The following SIN3B variants were observed in gnomAD, a reference collection of about 807,000 sequenced individuals.
SIN3B encodes the protein paired amphipathic helix protein Sin3b.
SIN3B carries 19 observed loss-of-function variants against 120.2 expected under a neutral mutation model. The observed-to-expected ratio is 0.16, with a 90% CI of 0.11 to 0.23. SIN3B has a LOEUF of 0.23. Ranked by LOEUF, SIN3B falls within the 10% of genes least tolerant of loss-of-function variation. SIN3B has a pLI of 1.00. For synonymous variants in SIN3B, 654 were observed against 653.2 expected, an observed-to-expected ratio of 1.00 and a Z score of -0.02; for missense variants, 1,073 against 1,573.0, an observed-to-expected ratio of 0.68 and a Z score of 5.38.
At chr19:16,871,694 A>G in intron 14 of SIN3B, 1 of 327,912 alleles carries the variant, frequency 3.0e-6, no homozygotes. Flanking sequence ...CCCTGCCCCG[A>G]GCCCCTGACA....
rs1372025426 is a variant in SIN3B at position 16,863,932 on chromosome 19, G to GGAA, written c.1383+138_1383+140dup. ...ATTGCAGCACATTCCAACAGCTCCT[G>GGAA]GAAGCTTCCTGCCGGGTCTTGCTGG... On this transcript the variant is annotated intron_variant, in intron 10 of 18. Coordinates refer to ENST00000248054, the MANE Select transcript of SIN3B (RefSeq NM_001297595.2). 18 of 632,162 alleles carry GGAA rather than the reference G, an allele frequency of 2.8e-5. No homozygotes were observed. In the African/African-American group the frequency reaches 2.9e-4, roughly 10 times the overall value. 39.2% of individuals were successfully genotyped at this position (632,162 alleles called of 1,614,324 possible). A position where few individuals can be genotyped will look rare whatever the true frequency, so the allele number is the denominator to read the frequency against.
intron 7 of SIN3B, among the ~76,000 whole-genome samples, chr19:16,853,472 A>G (rs1482657588): frequency 1.3e-5 from 2 of 152,252 alleles, no homozygotes; most frequent in East Asian, 1.9e-4. Context: ...GTTCCCGCCC[A>G]GGGTCTGTGG....
chr19:16,877,670 CT>C lies in SIN3B; in HGVS notation c.2954+33del, dbSNP rs565439481. ...AGGCCCTGAGATGCATGCTCTGTTC[CT>C]TCCTTCCTGGGCCCAGGGAGTGTCC... On this transcript the variant is annotated intron_variant, in intron 17 of 18. Coordinates refer to ENST00000248054, the MANE Select transcript of SIN3B (RefSeq NM_001297595.2). 1.1e-4 allele frequency: 163 copies of C among 1,450,022 alleles called. No individual in the cohort carries two copies. In the African/African-American group the frequency reaches 2.0e-3, roughly 18 times the overall value. The allele number at this position is 1,450,022 out of a possible 1,614,324, so 89.8% of individuals were successfully genotyped here.
chr19:16,839,842 C>G (rs181505499), intron 3 of SIN3B, among the ~76,000 whole-genome samples: 1 of 152,116 alleles, frequency 6.6e-6, no homozygotes, highest in African/African-American at 2.4e-5. Context: ...TATGGTGAAA[C>G]CCCATCTCTA....
chr19:16,854,294 G>T (rs1191190151), intron 8 of SIN3B, 33 bp downstream of exon 8: 6 of 1,433,626 alleles, frequency 4.2e-6, no homozygotes, highest in South Asian at 2.4e-5. Context: ...CTCCCTAGGG[G>T]GGTTCTGTTC....
chr19:16,841,941 A>G lies in SIN3B; in HGVS notation c.555A>G (p.Ser185=), dbSNP rs944147018. ...RFLDHPEIYR[S]FLEILHTYQK... ...TAGACCACCCAGAAATCTACAGGTC[A>G]TTCCTGGAGATCCTGCACACGTACC... The change falls in exon 4 of 19, where the codon TCA becomes TCG. Residue 185 remains serine, a synonymous_variant. Transcript: ENST00000248054. 6.2e-7 allele frequency: 1 copy of G among 1,613,912 alleles called. No individual in the cohort carries two copies. The highest frequency in any genetic ancestry group is 8.5e-7 in the Non-Finnish European group (1 of 1,179,864).
At chr19:16,850,665 G>A (rs1028148585) in intron 5 of SIN3B, among the ~76,000 whole-genome samples, 5 of 152,198 alleles carry the variant, frequency 3.3e-5, no homozygotes, top group South Asian at 2.1e-4. Flanking sequence ...GGCACAGAAC[G>A]TTGTAGGGCC....
intron 5 of SIN3B, among the ~76,000 whole-genome samples, chr19:16,849,305 C>G (rs1971515944): frequency 6.6e-6 from 1 of 152,222 alleles, no homozygotes; most frequent in South Asian, 2.1e-4. Flanking sequence ...GCCAGTTGAT[C>G]TTTGTGTAAA....
rs1230219520 is a variant in SIN3B, at chr19:16,879,633, C to T, written c.*906C>T. ...GCTGAGATCTCCCTTTGTGGAACTC[C>T]GAGAGCCGCCCTGACAGTCCCAGCC... is the stretch of plus-strand genomic sequence containing the variant. On this transcript the variant is annotated 3_prime_UTR_variant, in exon 19 of 19. Transcript: ENST00000248054. 3 of 152,298 alleles carry T rather than the reference C, an allele frequency of 2.0e-5. No individual in the cohort carries two copies. The highest frequency in any genetic ancestry group is 4.4e-5 in the Non-Finnish European group (3 of 68,106). The allele number at this position is 152,298 out of a possible 1,614,324, so 9.4% of individuals were successfully genotyped here. A position where few individuals can be genotyped will look rare whatever the true frequency, so the allele number is the denominator to read the frequency against.
intron 3 of SIN3B, among the ~76,000 whole-genome samples, chr19:16,832,191 C>CTTTTTTTTTTT: frequency 8.0e-6 from 1 of 125,432 alleles, no homozygotes; most frequent in Non-Finnish European, 1.7e-5. Flanking sequence ...TGCTGGCCCT[C>CTTTTTTTTTTT]TTTTTTTTTT....
At chr19:16,830,031 C>G in intron 2 of SIN3B, 134 bp downstream of exon 2, 3 of 621,544 alleles carry the variant, frequency 4.8e-6, no homozygotes, top group Non-Finnish European at 8.8e-6. Context: ...CTCTCAGAGC[C>G]CTAGCTCCTT....
rs1427765806 is a variant in SIN3B, at chr19:16,865,497, C to G, written c.1471C>G (p.Gln491Glu). Residue 491 changes from glutamine to glutamate, a missense_variant, in exon 11 of 19, where the codon CAG becomes GAG. Physicochemically the swap from Gln to Glu is conservative, Grantham distance 29. Around this residue, in one of 7 missense-constraint regions of SIN3B, gnomAD observed 118 missense variants for 281.6 expected, o/e 0.42. Transcript: ENST00000248054. ...GCTGTCTCGGATGGCGCCGGAAGACCAGGAGAAGTTCCGGCTGGACGACTC... is the reference window on the plus strand; with the variant it reads ...GCTGTCTCGGATGGCGCCGGAAGACGAGGAGAAGTTCCGGCTGGACGACTC... Reference protein sequence around the residue: ...KKLSRMAPEDQEKFRLDDSLG... With the variant: ...KKLSRMAPEDEEKFRLDDSLG... The G allele has an allele frequency of 6.2e-7, 1 of 1,610,560 alleles. No individual in the cohort carries two copies. Among genetic ancestry groups the G allele is most frequent in the South Asian group, 1.1e-5 (1 of 90,840 alleles).
Position 16,831,502 on chromosome 19 carries a change from C to T in SIN3B, c.236C>T (p.Thr79Ile). The T allele has an allele frequency of 1.2e-6, 2 of 1,614,046 alleles. No individual in the cohort carries two copies. Among genetic ancestry groups the T allele is most frequent in the Non-Finnish European group, 1.7e-6 (2 of 1,179,926 alleles). ...MKEFKSQSID[T>I]PGVIRRVSQL... ...TCCGTTGTTTCTTCTAGCATCGATA[C>T]TCCTGGAGTCATCAGACGTGTCTCG... The change falls in exon 3 of 19, where the codon ACT becomes ATT. Residue 79 changes from threonine to isoleucine, a missense_variant. By Grantham distance (89) the Thr-to-Ile change is moderately conservative. Around this residue, in one of 7 missense-constraint regions of SIN3B, gnomAD observed 395 missense variants for 528.0 expected, o/e 0.75. Transcript: ENST00000248054.
chr19:16,878,433 C>A, intron 18 of SIN3B, 43 bp downstream of exon 18: 1 of 1,589,274 alleles, frequency 6.3e-7, no homozygotes, highest in Non-Finnish European at 8.6e-7. Context: ...CCCCTCCTCA[C>A]CCCAAGTCCT....
intron 3 of SIN3B, among the ~76,000 whole-genome samples, chr19:16,837,442 TC>T (rs1404627557): frequency 6.7e-6 from 1 of 148,920 alleles, no homozygotes; most frequent in African/African-American, 2.5e-5. Flanking sequence ...CAGAGACAAT[TC>T]CCAAGTGATG....
intron 3 of SIN3B, among the ~76,000 whole-genome samples, chr19:16,838,970 C>CTTTTTT (rs34648986): frequency 1.2e-5 from 1 of 86,588 alleles, no homozygotes; most frequent in Non-Finnish European, 2.1e-5. Context: ...CCGCGCCTGG[C>CTTTTTT]TTTTTTTTTT....
chr19:16,879,059 C>T lies in SIN3B; in HGVS notation c.*332C>T, dbSNP rs45538931. The T allele has an allele frequency of 0.014, 5,543 of 385,650 alleles. 64 individuals are homozygous for T. Among genetic ancestry groups the T allele is most frequent in the Non-Finnish European group, 0.018 (3,833 of 212,874 alleles). 23.9% of individuals were successfully genotyped at this position (385,650 alleles called of 1,614,324 possible). A position where few individuals can be genotyped will look rare whatever the true frequency, so the allele number is the denominator to read the frequency against. On this transcript the variant is annotated 3_prime_UTR_variant, in exon 19 of 19. Coordinates refer to ENST00000248054, the MANE Select transcript of SIN3B (RefSeq NM_001297595.2). ...CCTGGCAGGCAGATGGCTCCTGCCCCATATTCTTGCCGTGTCTTGGAAAAG... is the reference window on the plus strand; with the variant it reads ...CCTGGCAGGCAGATGGCTCCTGCCCTATATTCTTGCCGTGTCTTGGAAAAG...
intron 4 of SIN3B, chr19:16,846,300 G>T (rs1971477776): frequency 6.6e-6 from 1 of 152,206 alleles, no homozygotes; most frequent in Non-Finnish European, 1.5e-5. Flanking sequence ...GCTGCAGCGG[G>T]TGCAGAGGGG....
At position 16,869,484 on chromosome 19, in the gene SIN3B, C is replaced by T. The variant is rs774327119; in HGVS notation, c.1831C>T (p.Arg611Cys). 5.6e-6 allele frequency: 9 copies of T among 1,610,628 alleles called. No individual in the cohort carries two copies. The highest frequency in any genetic ancestry group is 2.2e-5 in the East Asian group (1 of 44,800). Residue 611 changes from arginine (R) to cysteine (C), a missense_variant, in exon 13 of 19, where the codon CGC (arginine) becomes TGC (cysteine). Arg to Cys is a radical substitution (Grantham distance 180). This residue lies in a region of SIN3B where 169 missense variants were observed against 207.3 expected (regional missense o/e 0.82). Coordinates refer to ENST00000248054, the MANE Select transcript of SIN3B (RefSeq NM_001297595.2). ...DEHQEQHSEG[R>C]SAPSSEPHLI... ...GCACCAGGAGCAGCACTCGGAGGGC[C>T]GCAGTGCCCCCTCTAGCGAGCCGCA... is the stretch of plus-strand genomic sequence containing the variant.
Sources: gnomAD v4.1 joint callset for allele counts (sites outside exome capture counted in the v4.1 genomes callset) on GRCh38, gnomAD v4.1.1 for gene constraint, gnomAD v4.1.1 regional missense constraint, MANE v1.5 for transcripts, NCBI Gene and HGNC (gene_info 2026-07-23, HGNC 2026-07-21) for gene names.